Variants in NRG1 observed in about 807,000 individuals in gnomAD.
NRG1 encodes the protein pro-neuregulin-1, membrane-bound isoform.
Under a neutral mutation model 63.8 loss-of-function variants are expected in NRG1, and 18 were observed. That is an observed-to-expected ratio of 0.28 (90% CI 0.19 to 0.42). The LOEUF (loss-of-function observed/expected upper bound fraction) is 0.42, where lower values mean the gene tolerates loss of function less well. Among genes scored for constraint, NRG1 ranks in the 10% least tolerant of loss-of-function variants. NRG1 has a pLI of 1.00. For synonymous variants in NRG1, 302 were observed against 301.3 expected, an observed-to-expected ratio of 1.00 and a Z score of -0.02; for missense variants, 762 against 814.7, an observed-to-expected ratio of 0.94 and a Z score of 0.79.
intron 2 of NRG1, among the ~76,000 whole-genome samples, chr8:32,598,256 G>A (rs1460578754): frequency 6.6e-6 from 1 of 152,070 alleles, no homozygotes; most frequent in Non-Finnish European, 1.5e-5. Flanking sequence ...GAGGAGGAAG[G>A]GAGGGAGGAG....
chr8:32,547,974 C>T (rs1350125878), upstream of NRG1, among the ~76,000 whole-genome samples: 1 of 152,100 alleles, frequency 6.6e-6, no homozygotes, highest in African/African-American at 2.4e-5. Flanking sequence ...CGGAGGGGAG[C>T]GGGCAGCGAG....
intron 1 of NRG1, among the ~76,000 whole-genome samples, chr8:32,077,747 G>GA (rs1312193234): frequency 6.6e-6 from 1 of 152,184 alleles, no homozygotes; most frequent in Admixed American, 6.5e-5. Flanking sequence ...GGGATGAAGT[G>GA]AATATGCTTA....
intron 1 of NRG1, among the ~76,000 whole-genome samples, chr8:32,306,863 G>A (rs1339948540): frequency 6.6e-6 from 1 of 152,136 alleles, no homozygotes; most frequent in Non-Finnish European, 1.5e-5. Context: ...CCAGTGATTC[G>A]TGATCTGGGG....
chr8:31,927,480 G>T (rs376835603), intron 1 of NRG1, among the ~76,000 whole-genome samples: 1 of 111,900 alleles, frequency 8.9e-6, no homozygotes, highest in Non-Finnish European at 1.7e-5. Flanking sequence ...ACGGAGTCTC[G>T]CTCTGTCGCC....
At chr8:32,297,070 G>T (rs796305120) in intron 1 of NRG1, among the ~76,000 whole-genome samples, 1 of 151,956 alleles carries the variant, frequency 6.6e-6, no homozygotes, top group Non-Finnish European at 1.5e-5. Flanking sequence ...AGCCAAGATC[G>T]CGCCACTGCA....
At chr8:31,824,486 T>C (rs969652289) in intron 1 of NRG1, among the ~76,000 whole-genome samples, 1 of 152,074 alleles carries the variant, frequency 6.6e-6, no homozygotes, top group South Asian at 2.1e-4. Flanking sequence ...TGGATCAGAG[T>C]TGGAGGTTGC....
At chr8:31,766,883 T>C (rs1196030824) in intron 1 of NRG1, among the ~76,000 whole-genome samples, 4 of 152,216 alleles carry the variant, frequency 2.6e-5, no homozygotes, top group Admixed American at 1.3e-4. Context: ...CTCATATGTA[T>C]ATATACTTAG....
chr8:32,190,069 C>T (rs1371510302), intron 1 of NRG1, among the ~76,000 whole-genome samples: 4 of 152,068 alleles, frequency 2.6e-5, no homozygotes, highest in Admixed American at 6.6e-5. Context: ...TTTGAATAAA[C>T]ATTTGTCAAC....
intron 1 of NRG1, among the ~76,000 whole-genome samples, chr8:32,358,979 G>A (rs887231372): frequency 2.6e-5 from 4 of 152,114 alleles, no homozygotes; most frequent in African/African-American, 9.7e-5. Flanking sequence ...GTTTTGTTTT[G>A]TTTTGTTTTG....
chr8:32,138,361 TCAAG>T (rs1302561103), intron 1 of NRG1, among the ~76,000 whole-genome samples: 1 of 151,886 alleles, frequency 6.6e-6, no homozygotes, highest in East Asian at 1.9e-4. Context: ...ATGGGGTCCT[TCAAG>T]CAGGGGAATA....
chr8:32,524,071 G>A (rs1830581941), intron 1 of NRG1, among the ~76,000 whole-genome samples: 1 of 151,986 alleles, frequency 6.6e-6, no homozygotes, highest in African/African-American at 2.4e-5. Flanking sequence ...AGGATTGTTT[G>A]AGCTCAGGAG....
At chr8:32,423,884 C>A (rs1032510844) in intron 1 of NRG1, among the ~76,000 whole-genome samples, 2 of 152,076 alleles carry the variant, frequency 1.3e-5, no homozygotes, top group Admixed American at 1.3e-4. Flanking sequence ...CAGTTTGGAA[C>A]CCTGCCATAA....
chr8:32,092,461 C>CAAAAAAAAAAAA, intron 1 of NRG1, among the ~76,000 whole-genome samples: 1 of 83,700 alleles, frequency 1.2e-5, no homozygotes, highest in East Asian at 3.4e-4. Flanking sequence ...GACCCTGTCT[C>CAAAAAAAAAAAA]AAAAAAAAAA....
chr8:32,470,290 C>T (rs1823666767), intron 1 of NRG1, among the ~76,000 whole-genome samples: 1 of 151,810 alleles, frequency 6.6e-6, no homozygotes, highest in Admixed American at 6.6e-5. Context: ...ACGCCATTCT[C>T]CTGCCTCAGC....
chr8:32,680,853 TAGTG>T (rs1808419517), intron 5 of NRG1, among the ~76,000 whole-genome samples: 1 of 149,478 alleles, frequency 6.7e-6, no homozygotes, highest in African/African-American at 2.6e-5. Context: ...CCAGTATATT[TAGTG>T]AATGAATGAA....
At chr8:32,007,058 C>G (rs1239588194) in intron 1 of NRG1, among the ~76,000 whole-genome samples, 1 of 152,076 alleles carries the variant, frequency 6.6e-6, no homozygotes, top group Non-Finnish European at 1.5e-5. Context: ...TCACATCCCA[C>G]TGACATTCCT....
In NRG1 at chr8:32,661,801, A is replaced by G. The variant is rs371666742; in HGVS notation, c.502+44916A>G. 3.3e-5 allele frequency among the ~76,000 whole-genome samples: 5 copies of G among 152,154 alleles called. No individual in the cohort carries two copies. The East Asian group carries it at 7.7e-4, about 23-fold the overall frequency. The stretch of plus-strand genomic sequence containing the variant: ...AATAATAAACCAGAAATCATATACT[A>G]TCTTAGCAGGCAGTACATCATATGG... On this transcript the variant is annotated intron_variant, in intron 5 of 11. Transcript: ENST00000356819.
chr8:32,020,263 C>A (rs907227801), intron 1 of NRG1, among the ~76,000 whole-genome samples: 2 of 152,074 alleles, frequency 1.3e-5, no homozygotes, highest in Admixed American at 1.3e-4. Flanking sequence ...TGATGCTATG[C>A]TAAATGGTAT....
intron 8 of NRG1, 108 bp downstream of exon 8, chr8:32,754,582 A>G (rs1829336764): frequency 1.0e-6 from 1 of 964,832 alleles, no homozygotes; most frequent in South Asian, 1.4e-5. Flanking sequence ...GGGATAAAAA[A>G]AAAAGGAGGG....
Sources: allele counts gnomAD v4.1 joint callset (sites outside exome capture counted in the v4.1 genomes callset), GRCh38; gene constraint gnomAD v4.1.1; transcripts MANE v1.5; gene names NCBI Gene and HGNC (gene_info 2026-07-23, HGNC 2026-07-21).